The following CLCN6 variants were observed in gnomAD, a reference collection of about 807,000 sequenced individuals.
The protein encoded by CLCN6 is Cl-/H+ antiporter 6, also known as H(+)/Cl(-) exchange transporter 6.
CLCN6 carries 70 observed loss-of-function variants against 109.8 expected under a neutral mutation model. That is an observed-to-expected ratio of 0.64 (90% confidence interval 0.53 to 0.78). CLCN6 has a LOEUF of 0.78. Ranked by LOEUF, CLCN6 falls within the 30% of genes least tolerant of loss-of-function variation. CLCN6 has a pLI of 0.00. For missense variants in CLCN6, 984 were observed against 1,142.3 expected (o/e 0.86, Z 2.00); for synonymous variants, 444 against 447.8 (o/e 0.99, Z 0.11).
At chr1:11,813,351 C>G (rs546565195) in intron 2 of CLCN6, among the ~76,000 whole-genome samples, 1 of 151,604 alleles carries the variant, frequency 6.6e-6, no homozygotes, top group Non-Finnish European at 1.5e-5. Flanking sequence ...TCTAAAAGTA[C>G]TTTTTTCATC....
rs1644922031 is a variant in CLCN6, at chr1:11,834,590, A to G, written c.1793A>G (p.Lys598Arg). 1.2e-6 allele frequency: 2 copies of G among 1,613,348 alleles called. No individual in the cohort carries two copies. Among genetic ancestry groups the G allele is most frequent in the African/African-American group, 1.3e-5 (1 of 74,920 alleles). ...LEWETEVEMD[K>R]LRASDIMEPN... ...TGGGAGACAGAGGTGGAAATGGACA[A>G]GTAAGGCCATGATTTTGCTCATGTC... The change falls in exon 17 of 23, where the codon AAG becomes AGG. Residue 598 changes from lysine (K) to arginine (R), a missense_variant and splice_region_variant. Transcript: ENST00000346436. This position sits in a 1 kb window ranked among gnomAD's most constrained non-coding sequence, Gnocchi z 4.5.
At chr1:11,815,559 C>T (rs1051086386) in intron 2 of CLCN6, among the ~76,000 whole-genome samples, 8 of 152,142 alleles carry the variant, frequency 5.3e-5, no homozygotes, top group African/African-American at 1.7e-4. Context: ...CCATGCCTGG[C>T]TAATTTTGTA....
chr1:11,816,942 T>G (rs1395129432), intron 4 of CLCN6, among the ~76,000 whole-genome samples: 1 of 152,184 alleles, frequency 6.6e-6, no homozygotes, highest in Non-Finnish European at 1.5e-5. Context: ...AATGGTGCTC[T>G]TGAAGCGCTC....
chr1:11,840,013 A>G, intron 22 of CLCN6, 130 bp from the exon 23 acceptor site: 2 of 764,648 alleles, frequency 2.6e-6, no homozygotes, highest in Admixed American at 1.9e-5. Flanking sequence ...ATCCCAATCA[A>G]GCTGTGTCTG....
chr1:11,829,327 C>T lies in CLCN6; in HGVS notation c.1248+5C>T. ...AATGACTCATTCCAGCTCCAGGTAA[C>T]CCCAGTGCACCTGCTACCTTTATCC... On this transcript the variant is annotated splice_donor_5th_base_variant and intron_variant, in intron 13 of 22. Transcript: ENST00000346436. The T allele has an allele frequency of 1.2e-6, 2 of 1,614,008 alleles. No homozygotes were observed. The highest frequency in any genetic ancestry group is 1.1e-5 in the South Asian group (1 of 91,066).
chr1:11,816,490 A>G (rs1393503726), intron 3 of CLCN6, 125 bp from the exon 4 acceptor site: 3 of 857,194 alleles, frequency 3.5e-6, no homozygotes, highest in Admixed American at 4.4e-5. Flanking sequence ...TGAAATCCCA[A>G]CATCATCTTT....
chr1:11,830,949 T>G (rs1171728890), intron 13 of CLCN6, among the ~76,000 whole-genome samples: 3 of 151,906 alleles, frequency 2.0e-5, no homozygotes, highest in Non-Finnish European at 4.4e-5. Context: ...TTCTCCTGCC[T>G]CAGCCTCCCG....
rs1255419252 is a variant in CLCN6 at position 11,834,801 on chromosome 1, C to T, written c.1793+211C>T. On this transcript the variant is annotated intron_variant, in intron 17 of 22. Transcript: ENST00000346436. The surrounding 1 kb of genome is among the most constrained non-coding windows in gnomAD (Gnocchi z 4.5). The stretch of plus-strand genomic sequence containing the variant: ...AGGGGACACGGGCACTGTGGGACTG[C>T]AGTGGGCAGGGCCTCTTCGTGGTGG... Among the ~76,000 whole-genome samples the T allele has an allele frequency of 2.0e-5, 3 of 152,122 alleles. No individual in the cohort carries two copies. The highest frequency in any genetic ancestry group is 7.2e-5 in the African/African-American group (3 of 41,428).
At chr1:11,832,138 A>G (rs1644890904) in intron 13 of CLCN6, among the ~76,000 whole-genome samples, 1 of 152,218 alleles carries the variant, frequency 6.6e-6, no homozygotes, top group South Asian at 2.1e-4. Context: ...TTTTACAGCT[A>G]AGGAAGCTGA....
Position 11,826,878 on chromosome 1 carries a change from C to T in CLCN6, c.708-211C>T, listed in dbSNP as rs748617694. Among the ~76,000 whole-genome samples the T allele has an allele frequency of 9.2e-5, 14 of 152,080 alleles. No individual in the cohort carries two copies. The East Asian group carries it at 9.6e-4, about 10-fold the overall frequency. On this transcript the variant is annotated intron_variant, in intron 9 of 22. Transcript: ENST00000346436. ...GGCTCCTGTTCCCAGGCAGAGTAGCCGCCATGCTGAAAGGGACTCTGGTGC... is the reference window on the plus strand; with the variant it reads ...GGCTCCTGTTCCCAGGCAGAGTAGCTGCCATGCTGAAAGGGACTCTGGTGC...
chr1:11,837,169 C>T lies in CLCN6; in HGVS notation c.2138+13C>T, dbSNP rs374952222. 9.5e-5 allele frequency: 153 copies of T among 1,610,912 alleles called. No homozygotes were observed. The South Asian group carries it at 1.4e-3, about 15-fold the overall frequency. ...TGCTGGAAAGGAGGTGAGAGCCTGG[C>T]GGGGCCCCCACTGCCCGCAGGGCTA... is the stretch of plus-strand genomic sequence containing the variant. On this transcript the variant is annotated intron_variant, in intron 19 of 22. Transcript: ENST00000346436.
At chr1:11,813,649 C>T (rs962816230) in intron 2 of CLCN6, among the ~76,000 whole-genome samples, 1 of 152,170 alleles carries the variant, frequency 6.6e-6, no homozygotes, top group African/African-American at 2.4e-5. Context: ...TCTCGGCCTC[C>T]CAAACTGCTG....
chr1:11,807,154 G>A lies in CLCN6; in HGVS notation c.111G>A (p.Glu37=), dbSNP rs1313842606. The change falls in exon 2 of 23, where the codon GAG becomes GAA. Residue 37 remains glutamate (E), a synonymous_variant. Transcript: ENST00000346436. Reference sequence around the variant, plus strand: ...AGACCATCCTTGGAGAAACACAGGAGGAGGAGGATGAGATTCTTCCAAGGA... The same window carrying A: ...AGACCATCCTTGGAGAAACACAGGAAGAGGAGGATGAGATTCTTCCAAGGA... ...EELTILGETQ[E]EEDEILPRKD... 5.6e-5 allele frequency: 91 copies of A among 1,614,092 alleles called. No homozygotes were observed. The highest frequency in any genetic ancestry group is 7.5e-5 in the Non-Finnish European group (89 of 1,180,034).
chr1:11,807,007 C>T (rs2100595429), intron 1 of CLCN6, 124 bp from the exon 2 acceptor site: 3 of 833,440 alleles, frequency 3.6e-6, no homozygotes, highest in South Asian at 1.6e-5. Context: ...TTTTTGAGGG[C>T]TGGTTCCTAT....
rs375927564 is a variant in CLCN6, at chr1:11,838,350, C to T, written c.2311C>T (p.Arg771Cys). The stretch of plus-strand genomic sequence containing the variant: ...GGAATTGCAGAGCGCCAGCCAGCCG[C>T]GCCTCTCCTATGCCGAGATGGCCGA... ...SESQSSASQP[R>C]LSYAEMAEDY... Residue 771 changes from arginine to cysteine, a missense_variant, in exon 21 of 23, where the codon CGC becomes TGC. Transcript: ENST00000346436. 5.6e-6 allele frequency: 9 copies of T among 1,613,868 alleles called. No homozygotes were observed. The highest frequency in any genetic ancestry group is 4.0e-5 in the African/African-American group (3 of 75,074).
At position 11,838,564 on chromosome 1, in the gene CLCN6, T is replaced by C; in HGVS notation, c.2433T>C (p.Pro811=). The change falls in exon 22 of 23, where the codon CCT becomes CCC. Residue 811 remains proline, a synonymous_variant. Transcript: ENST00000346436. The part of the protein sequence containing the change: ...VDVTPYMNPS[P]FTVSPNTHVS... Reference sequence around the variant, plus strand: ...TCACCCCATACATGAACCCTTCGCCTTTCACCGTCTCGCCCAACACCCACG... The same window carrying C: ...TCACCCCATACATGAACCCTTCGCCCTTCACCGTCTCGCCCAACACCCACG... 1 of 1,611,972 alleles carries C rather than the reference T, an allele frequency of 6.2e-7. No homozygotes were observed. Among genetic ancestry groups the C allele is most frequent in the Non-Finnish European group, 8.5e-7 (1 of 1,178,198 alleles).
Position 11,823,633 on chromosome 1 carries a change from C to T in CLCN6, c.454-74C>T, listed in dbSNP as rs577860879. Reference sequence around the variant, plus strand: ...AGGTGGCCAGCTCTCCCTCTTCCGCCGCCCAGATTGTTGAGGGTAAGCCAG... The same window carrying T: ...AGGTGGCCAGCTCTCCCTCTTCCGCTGCCCAGATTGTTGAGGGTAAGCCAG... On this transcript the variant is annotated intron_variant, in intron 6 of 22. Coordinates refer to ENST00000346436, the MANE Select transcript of CLCN6 (RefSeq NM_001286.5). The T allele has an allele frequency of 5.5e-5, 88 of 1,600,292 alleles. No individual in the cohort carries two copies. The Middle Eastern group carries it at 7.2e-4, about 13-fold the overall frequency.
chr1:11,815,748 G>T (rs1644661222), intron 2 of CLCN6, 98 bp from the exon 3 acceptor site: 1 of 878,344 alleles, frequency 1.1e-6, no homozygotes, highest in Admixed American at 1.9e-5. Context: ...CCACTGCTCT[G>T]CCCATCCACA....
rs773847834 is a variant in CLCN6 at position 11,831,499 on chromosome 1, C to T, written c.1249-2016C>T. Among the ~76,000 whole-genome samples, 6 of 152,064 alleles carry T rather than the reference C, an allele frequency of 3.9e-5. No individual in the cohort carries two copies. The East Asian group carries it at 5.8e-4, about 15-fold the overall frequency. On this transcript the variant is annotated intron_variant, in intron 13 of 22. Coordinates refer to ENST00000346436, the MANE Select transcript of CLCN6 (RefSeq NM_001286.5). ...GGTTGAGAGAAAAAAAAGAATATGC[C>T]GCAGAGACTGTACATCACTGGCAAC...
Sources: allele counts gnomAD v4.1 joint callset (sites outside exome capture counted in the v4.1 genomes callset), GRCh38; gene constraint gnomAD v4.1.1; non-coding constraint Gnocchi (gnomAD v3.1); transcripts MANE v1.5; gene names NCBI Gene and HGNC (gene_info 2026-07-23, HGNC 2026-07-21).